EEIG1: variants seen among roughly 807,000 people sequenced by gnomAD.
EEIG1 encodes early estrogen-induced gene 1 protein.
the EEIG1 span, among the ~76,000 whole-genome samples, chr9:127,972,021 C>A: frequency 6.6e-6 from 1 of 152,228 alleles, no homozygotes; most frequent in Middle Eastern, 3.4e-3. The surrounding 1 kb of genome is among the most constrained non-coding windows in gnomAD (Gnocchi z 4.3). Flanking sequence ...CTCTCACCCA[C>A]ACTCCAGCCC....
At chr9:127,975,904 C>A in the EEIG1 span, among the ~76,000 whole-genome samples, 1 of 152,156 alleles carries the variant, frequency 6.6e-6, no homozygotes, top group Non-Finnish European at 1.5e-5. Context: ...CCTGGGAAAG[C>A]CTCCCAGGCC....
chr9:127,963,427 G>A, the EEIG1 span, among the ~76,000 whole-genome samples: 1 of 152,242 alleles, frequency 6.6e-6, no homozygotes, highest in Non-Finnish European at 1.5e-5. Context: ...GCCAGGAACA[G>A]GTAATTACAG....
At chr9:127,947,949 G>T in the EEIG1 span, 1 of 1,170,020 alleles carries the variant, frequency 8.5e-7, no homozygotes, top group Non-Finnish European at 1.2e-6. Flanking sequence ...GCAGGAGCAT[G>T]CAAACACCCT....
chr9:127,944,591 G>C, the EEIG1 span: 4 of 1,497,344 alleles, frequency 2.7e-6, no homozygotes, highest in African/African-American at 1.4e-5. Flanking sequence ...CCGCCCCGAC[G>C]ACCCCTCCCT....
the EEIG1 span, among the ~76,000 whole-genome samples, chr9:127,969,006 C>T: frequency 4.6e-5 from 7 of 152,208 alleles, no homozygotes; most frequent in Admixed American, 4.6e-4. Flanking sequence ...CTGTGCTAGA[C>T]ACGGGGGACA....
At chr9:127,976,807 C>T in the EEIG1 span, among the ~76,000 whole-genome samples, 1 of 151,014 alleles carries the variant, frequency 6.6e-6, no homozygotes, top group Non-Finnish European at 1.5e-5. This position sits in a 1 kb window ranked among gnomAD's most constrained non-coding sequence, Gnocchi z 4.1. Flanking sequence ...TGACACCACC[C>T]ATGCTGCCAC....
the EEIG1 span, chr9:127,943,327 G>T: frequency 7.6e-7 from 1 of 1,308,820 alleles, no homozygotes; most frequent in Non-Finnish European, 1.1e-6. Context: ...TGTTTCACAA[G>T]CAGGTACTGT....
chr9:127,952,481 T>C, the EEIG1 span, among the ~76,000 whole-genome samples: 3 of 152,222 alleles, frequency 2.0e-5, no homozygotes, highest in Non-Finnish European at 4.4e-5. Context: ...CAGAGCTGTC[T>C]TCTCCCTCTT....
At chr9:127,974,076 C>G in the EEIG1 span, among the ~76,000 whole-genome samples, 3 of 152,172 alleles carry the variant, frequency 2.0e-5, no homozygotes, top group African/African-American at 7.2e-5. Flanking sequence ...CACTGTGCCC[C>G]CATCCATCTC....
chr9:127,971,147 C>T, the EEIG1 span, among the ~76,000 whole-genome samples: 13 of 152,208 alleles, frequency 8.5e-5, no homozygotes, highest in Non-Finnish European at 1.5e-4. Context: ...GAGCACCAGC[C>T]GGCCACCTCC....
At chr9:127,979,987 C>T in the EEIG1 span, 1 of 1,612,096 alleles carries the variant, frequency 6.2e-7, no homozygotes, top group South Asian at 1.1e-5. Context: ...CGCCCCAGCT[C>T]CTACCTTGAC....
the EEIG1 span, chr9:127,943,070 A>G: frequency 1.2e-6 from 1 of 863,596 alleles, no homozygotes; most frequent in Non-Finnish European, 1.9e-6. Flanking sequence ...ACTGGAGTGC[A>G]TGGAGGAGGC....
At chr9:127,961,019 C>T in the EEIG1 span, among the ~76,000 whole-genome samples, 2 of 152,156 alleles carry the variant, frequency 1.3e-5, no homozygotes, top group Non-Finnish European at 2.9e-5. Flanking sequence ...CTCCTGAGGG[C>T]CTACTGTGTG....
At chr9:127,967,340 G>A in the EEIG1 span, among the ~76,000 whole-genome samples, 1 of 152,162 alleles carries the variant, frequency 6.6e-6, no homozygotes, top group Non-Finnish European at 1.5e-5. Flanking sequence ...TCCACACCCA[G>A]CCCTAGGAGA....
At chr9:127,959,982 T>A in the EEIG1 span, among the ~76,000 whole-genome samples, 1 of 152,338 alleles carries the variant, frequency 6.6e-6, no homozygotes, top group South Asian at 2.1e-4. Flanking sequence ...ACCACTTAAC[T>A]GTACACTTTA....
the EEIG1 span, chr9:127,953,809 C>G: frequency 6.2e-7 from 1 of 1,613,896 alleles, no homozygotes; most frequent in Non-Finnish European, 8.5e-7. Context: ...CCTCACCTTG[C>G]GCACAGACAC....
At chr9:127,948,538 C>T in the EEIG1 span, 1 of 955,552 alleles carries the variant, frequency 1.0e-6, no homozygotes, top group African/African-American at 1.6e-5. Flanking sequence ...CTCTCTGCCC[C>T]CTCCTGGCTT....
the EEIG1 span, among the ~76,000 whole-genome samples, chr9:127,964,728 G>A: frequency 2.0e-5 from 3 of 152,186 alleles, no homozygotes; most frequent in Admixed American, 6.5e-5. Context: ...TGCCCAGCAC[G>A]AAGCCCTGCG....
the EEIG1 span, among the ~76,000 whole-genome samples, chr9:127,975,143 G>A: frequency 6.6e-6 from 1 of 152,234 alleles, no homozygotes; most frequent in African/African-American, 2.4e-5. Flanking sequence ...TGTGTGGAGT[G>A]TGAGGAAAGA....
Sources: allele counts gnomAD v4.1 joint callset (sites outside exome capture counted in the v4.1 genomes callset), GRCh38; gene constraint gnomAD v4.1.1; non-coding constraint Gnocchi (gnomAD v3.1); transcripts MANE v1.5; gene names NCBI Gene and HGNC (gene_info 2026-07-23, HGNC 2026-07-21).